Variants in RASGRP4 observed in about 807,000 individuals in gnomAD.
RASGRP4 encodes RAS guanyl releasing protein 4, also known as RAS guanyl-releasing protein 4.
RASGRP4 carries 52 observed loss-of-function variants against 84.4 expected under a neutral mutation model. The observed-to-expected ratio is 0.62, with a 90% CI of 0.49 to 0.78. The LOEUF (loss-of-function observed/expected upper bound fraction) is 0.78, where lower values mean the gene tolerates loss of function less well. RASGRP4 is among the 30% of genes least tolerant of loss of function. The pLI is 0.00. For synonymous variants in RASGRP4, 356 were observed against 359.1 expected (o/e 0.99, Z 0.10); for missense variants, 760 against 886.9 (o/e 0.86, Z 1.82).
intron 5 of RASGRP4, 54 bp from the exon 6 acceptor site, chr19:38,420,067 GAT>G: frequency 6.2e-7 from 1 of 1,608,746 alleles, no homozygotes. Flanking sequence ...AGGGCTTGGG[GAT>G]ATAGAGGGAG....
chr19:38,414,487 T>C (rs1481305484), intron 9 of RASGRP4, among the ~76,000 whole-genome samples: 1 of 152,010 alleles, frequency 6.6e-6, no homozygotes, highest in Non-Finnish European at 1.5e-5. Flanking sequence ...CCACCACTCC[T>C]GGCTAATTTT....
chr19:38,420,771 C>T (rs1971710122), intron 4 of RASGRP4, 137 bp downstream of exon 4: 1 of 798,854 alleles, frequency 1.3e-6, no homozygotes, highest in Non-Finnish European at 2.1e-6. Context: ...ACAGGTGTCT[C>T]AGAAGTGGGA....
chr19:38,422,243 C>T (rs769266439), intron 1 of RASGRP4, 90 bp from the exon 2 acceptor site: 29 of 1,236,656 alleles, frequency 2.3e-5, no homozygotes, highest in Admixed American at 1.9e-4. Flanking sequence ...CAAGGCACCA[C>T]GGGAGAGGCT....
At chr19:38,410,184 C>CAGT in intron 16 of RASGRP4, 88 bp from the exon 17 acceptor site, 2 of 1,007,310 alleles carry the variant, frequency 2.0e-6, no homozygotes, top group African/African-American at 1.6e-5. Flanking sequence ...GGAACACTTC[C>CAGT]CTGCCCAGAC....
Position 38,415,030 on chromosome 19 carries a change from C to G in RASGRP4, c.1048G>C (p.Val350Leu). 2 of 1,610,254 alleles carry G rather than the reference C, an allele frequency of 1.2e-6. No individual in the cohort carries two copies. Among genetic ancestry groups the G allele is most frequent in the Non-Finnish European group, 1.7e-6 (2 of 1,178,582 alleles). ...WAGCAGFRLP[V>L]LGVHLKDLVS... ...AGGTCCTTGAGGTGCACGCCCAGTA[C>G]AGGCAGCCGGAAACCCGCGCAGCCA... The change falls in exon 9 of 17, where the codon GTA becomes CTA. Residue 350 changes from valine to leucine, a missense_variant. Transcript: ENST00000615439.
rs1971583080 is a variant in RASGRP4, at chr19:38,418,203, C to T, written c.837+188G>A. On this transcript the variant is annotated intron_variant, in intron 7 of 16. Transcript: ENST00000615439. This position sits in a 1 kb window ranked among gnomAD's most constrained non-coding sequence, Gnocchi z 4.6. ...GGGTGGGGCCACGGTGGGTGCGACG[C>T]GGTGACATCAAGGCCAAAGAAGAAG... Among the ~76,000 whole-genome samples the T allele has an allele frequency of 6.6e-6, 1 of 151,660 alleles. No homozygotes were observed. Among genetic ancestry groups the T allele is most frequent in the Non-Finnish European group, 1.5e-5 (1 of 67,940 alleles).
intron 9 of RASGRP4, 38 bp downstream of exon 9, chr19:38,414,810 C>T (rs1042609426): frequency 1.3e-6 from 2 of 1,543,220 alleles, no homozygotes; most frequent in Admixed American, 2.0e-5. Flanking sequence ...TCTCAGTACC[C>T]TTGGAAGCCC....
At position 38,420,397 on chromosome 19, in the gene RASGRP4, G is replaced by A. The variant is rs1600572288; in HGVS notation, c.378-135C>T. On this transcript the variant is annotated intron_variant, in intron 4 of 16. Coordinates refer to ENST00000615439, the MANE Select transcript of RASGRP4 (RefSeq NM_170604.3). ...GTGTGTGGGGGTCCCTGGAGGGTTG[G>A]GGTTTGGAGGGGCACCAGGCTTGGA... 7 of 883,742 alleles carry A rather than the reference G, an allele frequency of 7.9e-6. No homozygotes were observed. In the East Asian group the frequency reaches 1.6e-4, roughly 20 times the overall value. 54.7% of individuals were successfully genotyped at this position (883,742 alleles called of 1,614,324 possible). A position where few individuals can be genotyped will look rare whatever the true frequency, so the allele number is the denominator to read the frequency against.
At position 38,409,929 on chromosome 19, in the gene RASGRP4, G is replaced by T; in HGVS notation, c.*111C>A. On this transcript the variant is annotated 3_prime_UTR_variant, in exon 17 of 17. Coordinates refer to ENST00000615439, the MANE Select transcript of RASGRP4 (RefSeq NM_170604.3). Reference sequence around the variant, plus strand: ...GTACCACTAAAGGCAGTGTGGATGGGAAGGCGGATGCCTCTGGAGGCCTAC... The same window carrying T: ...GTACCACTAAAGGCAGTGTGGATGGTAAGGCGGATGCCTCTGGAGGCCTAC... 1 of 735,708 alleles carries T rather than the reference G, an allele frequency of 1.4e-6. No homozygotes were observed. Among genetic ancestry groups the T allele is most frequent in the Non-Finnish European group, 2.3e-6 (1 of 440,288 alleles). 45.6% of individuals were successfully genotyped at this position (735,708 alleles called of 1,614,324 possible).
chr19:38,415,674 TTTTA>T (rs1374917914), intron 8 of RASGRP4, among the ~76,000 whole-genome samples: 1 of 151,676 alleles, frequency 6.6e-6, no homozygotes, highest in African/African-American at 2.4e-5. Flanking sequence ...AGACCGGCCT[TTTTA>T]TTTATTTATT....
Position 38,411,244 on chromosome 19 carries a change from C to T in RASGRP4, c.1723G>A (p.Gly575Arg), listed in dbSNP as rs1286610037. 5.6e-6 allele frequency: 9 copies of T among 1,613,952 alleles called. No homozygotes were observed. Among genetic ancestry groups the T allele is most frequent in the South Asian group, 3.3e-5 (3 of 91,078 alleles). Residue 575 changes from glycine to arginine, a missense_variant, in exon 15 of 17, where the codon GGG (glycine) becomes AGG (arginine). Physicochemically the swap from Gly to Arg is moderately radical, Grantham distance 125. Coordinates refer to ENST00000615439, the MANE Select transcript of RASGRP4 (RefSeq NM_170604.3). Reference protein sequence around the residue: ...TKQGYRCRECGLCCHKHCRDQ... With the variant: ...TKQGYRCRECRLCCHKHCRDQ... ...CTGCAGTGTTTGTGGCAACACAGCC[C>T]GCACTCTGGGGGAAGGCAGCGGCAG...
chr19:38,412,401 C>A lies in RASGRP4; in HGVS notation c.1680+271G>T. The A allele has an allele frequency of 2.3e-6, 1 of 429,088 alleles. No homozygotes were observed. Among genetic ancestry groups the A allele is most frequent in the Non-Finnish European group, 4.2e-6 (1 of 237,590 alleles). 26.6% of individuals were successfully genotyped at this position (429,088 alleles called of 1,614,324 possible). Reference sequence around the variant, plus strand: ...CCTCCCCAAGTGCTGGGATTACAGGCGTGAGCCACCACTCCTGGCCTCCTA... The same window carrying A: ...CCTCCCCAAGTGCTGGGATTACAGGAGTGAGCCACCACTCCTGGCCTCCTA... On this transcript the variant is annotated intron_variant, in intron 13 of 16. Coordinates refer to ENST00000615439, the MANE Select transcript of RASGRP4 (RefSeq NM_170604.3). This position sits in a 1 kb window ranked among gnomAD's most constrained non-coding sequence, Gnocchi z 4.6.
intron 4 of RASGRP4, 143 bp downstream of exon 4, chr19:38,420,765 G>C (rs893834701): frequency 8.0e-6 from 6 of 748,642 alleles, no homozygotes; most frequent in Non-Finnish European, 1.4e-5. Context: ...CAAGCTACAG[G>C]TGTCTCAGAA....
rs1225549485 is a variant in RASGRP4, at chr19:38,412,594, G to T, written c.1680+78C>A. 1.5e-6 allele frequency: 2 copies of T among 1,364,858 alleles called. No homozygotes were observed. The highest frequency in any genetic ancestry group is 1.3e-5 in the South Asian group (1 of 74,554). 84.5% of individuals were successfully genotyped at this position (1,364,858 alleles called of 1,614,324 possible). Reference sequence around the variant, plus strand: ...TGAAGCTGGAGGATTTCTGGAATTTGGGGGTTATCTGGGGTTTGCGGACTG... The same window carrying T: ...TGAAGCTGGAGGATTTCTGGAATTTTGGGGTTATCTGGGGTTTGCGGACTG... On this transcript the variant is annotated intron_variant, in intron 13 of 16. Transcript: ENST00000615439. The surrounding 1 kb of genome is among the most constrained non-coding windows in gnomAD (Gnocchi z 4.6).
At position 38,426,102 on chromosome 19, in the gene RASGRP4, TG is replaced by T; in HGVS notation, c.-12del. ...GTCTTTTCTGTTCATGCTTCCCGCG[TG>T]GGGTGAGGAGGCCGGGGGTCTTGCA... On this transcript the variant is annotated 5_prime_UTR_variant, in exon 1 of 17. Coordinates refer to ENST00000615439, the MANE Select transcript of RASGRP4 (RefSeq NM_170604.3). The T allele has an allele frequency of 7.5e-7, 1 of 1,330,412 alleles. No individual in the cohort carries two copies. The highest frequency in any genetic ancestry group is 9.7e-7 in the Non-Finnish European group (1 of 1,031,226). The allele number at this position is 1,330,412 out of a possible 1,614,324, so 82.4% of individuals were successfully genotyped here.
chr19:38,419,917 C>T lies in RASGRP4; in HGVS notation c.606G>A (p.Thr202=), dbSNP rs375555114. The part of the protein sequence containing the change: ...KVSLLFDHLE[T]GELAQHLTYL... ...AGGTGAGGTGCTGAGCCAGCTCCCC[C>T]GTCTCCAAGTGGTCGAAAAGCAAGG... The change falls in exon 6 of 17, where the codon ACG becomes ACA. Residue 202 remains threonine (T), a synonymous_variant. Transcript: ENST00000615439. 6.0e-5 allele frequency: 96 copies of T among 1,612,156 alleles called. No homozygotes were observed. The highest frequency in any genetic ancestry group is 3.3e-4 in the Middle Eastern group (2 of 6,080).
Position 38,422,103 on chromosome 19 carries a change from C to T in RASGRP4, c.74G>A (p.Arg25His), listed in dbSNP as rs1297627862. The T allele has an allele frequency of 1.4e-5, 23 of 1,612,858 alleles. No individual in the cohort carries two copies. Among genetic ancestry groups the T allele is most frequent in the South Asian group, 7.7e-5 (7 of 91,056 alleles). ...GCATGTCTTGTGGCGGCGCACTTGG[C>T]GGGGCCGGCCTCGCCCTCCTATTTT... ...TGKIGGRGRP[R>H]QVRRHKTCPS... Residue 25 changes from arginine to histidine, a missense_variant, in exon 2 of 17, where the codon CGC (arginine) becomes CAC (histidine). Physicochemically the swap from Arg to His is conservative, Grantham distance 29. Transcript: ENST00000615439.
chr19:38,418,521 C>T lies in RASGRP4; in HGVS notation c.707G>A (p.Gly236Asp). Residue 236 changes from glycine (G) to aspartate (D), a missense_variant, in exon 7 of 17, where the codon GGC (glycine) becomes GAC (aspartate). Physicochemically the swap from Gly to Asp is moderately conservative, Grantham distance 94 (BLOSUM62 -1). Coordinates refer to ENST00000615439, the MANE Select transcript of RASGRP4 (RefSeq NM_170604.3). The surrounding 1 kb of genome is among the most constrained non-coding windows in gnomAD (Gnocchi z 4.6). ...TACGGAGCCCTCCAGGGCCGGGCAG[C>T]CTCGTACTGAGCCCTGCAAAACGTA... ...RSYVLQGSVR[G>D]CPALEGSVGL... 6.4e-7 allele frequency: 1 copy of T among 1,551,600 alleles called. No homozygotes were observed. The highest frequency in any genetic ancestry group is 8.7e-7 in the Non-Finnish European group (1 of 1,147,992).
chr19:38,411,308 C>T, intron 14 of RASGRP4, 37 bp downstream of exon 14: 1 of 1,610,530 alleles, frequency 6.2e-7, no homozygotes, highest in South Asian at 1.1e-5. Flanking sequence ...AGCCTGCGGG[C>T]CAAGGCTTCC....
Sources: allele counts gnomAD v4.1 joint callset (sites outside exome capture counted in the v4.1 genomes callset), GRCh38; gene constraint gnomAD v4.1.1; non-coding constraint Gnocchi (gnomAD v3.1); transcripts MANE v1.5; gene names NCBI Gene and HGNC (gene_info 2026-07-23, HGNC 2026-07-21).